Variants in ZBTB20 observed in about 807,000 individuals in gnomAD.
ZBTB20 encodes zinc finger and BTB domain containing 20.
Under a neutral mutation model 56.9 loss-of-function variants are expected in ZBTB20, and 9 were observed. That is an observed-to-expected ratio of 0.16 (90% CI 0.10 to 0.28). The LOEUF (loss-of-function observed/expected upper bound fraction) is 0.28. Among genes scored for constraint, ZBTB20 ranks in the 10% least tolerant of loss-of-function variants. The probability of loss-of-function intolerance (pLI) is 1.00; values close to 1 mark genes in which losing one functional copy is unlikely to be tolerated. For synonymous variants in ZBTB20, 417 were observed against 420.7 expected, an observed-to-expected ratio of 0.99 and a Z score of 0.11; for missense variants, 655 against 1,003.0, an observed-to-expected ratio of 0.65 and a Z score of 4.69.
At chr3:114,751,005 T>C (rs1484120182) in intron 5 of ZBTB20, among the ~76,000 whole-genome samples, 7 of 152,196 alleles carry the variant, frequency 4.6e-5, no homozygotes, top group Non-Finnish European at 1.5e-5. Context: ...TTGAACTGCA[T>C]TTTCATTTAA....
At chr3:114,754,118 C>G (rs2067817916) in intron 5 of ZBTB20, among the ~76,000 whole-genome samples, 1 of 152,114 alleles carries the variant, frequency 6.6e-6, no homozygotes, top group Non-Finnish European at 1.5e-5. Flanking sequence ...CAAAGAGTGC[C>G]ACGTGAGAGG....
At chr3:114,576,732 C>T (rs2054102520) in intron 6 of ZBTB20, among the ~76,000 whole-genome samples, 1 of 151,228 alleles carries the variant, frequency 6.6e-6, no homozygotes, top group Non-Finnish European at 1.5e-5. Context: ...ATAAACTGTA[C>T]TTTAAAACTT....
At chr3:114,769,078 T>G (rs188611240) in intron 5 of ZBTB20, among the ~76,000 whole-genome samples, 1 of 152,166 alleles carries the variant, frequency 6.6e-6, no homozygotes, top group East Asian at 1.9e-4. Flanking sequence ...ATTTAACAGG[T>G]GCAAATAGAT....
intron 6 of ZBTB20, among the ~76,000 whole-genome samples, chr3:114,598,719 A>T (rs1195075482): frequency 6.6e-6 from 1 of 151,990 alleles, no homozygotes; most frequent in Non-Finnish European, 1.5e-5. Context: ...TCATTTTTTT[A>T]TATACTGGAA....
chr3:115,086,382 T>A (rs567614992), intron 1 of ZBTB20, among the ~76,000 whole-genome samples: 1 of 151,894 alleles, frequency 6.6e-6, no homozygotes, highest in Non-Finnish European at 1.5e-5. Flanking sequence ...ACCGTATTTA[T>A]TTTGTGTCAA....
chr3:114,552,983 A>G (rs1026041446), intron 6 of ZBTB20, among the ~76,000 whole-genome samples: 1 of 152,222 alleles, frequency 6.6e-6, no homozygotes, highest in East Asian at 1.9e-4. Flanking sequence ...GGTCACTCCA[A>G]GAAGTGTCCT....
rs1271050101 is a variant in ZBTB20 at position 114,316,924 on chromosome 3, C to T, written c.*22081G>A. On this transcript the variant is annotated 3_prime_UTR_variant, in exon 12 of 12. Coordinates refer to ENST00000675478, the MANE Select transcript of ZBTB20 (RefSeq NM_001348800.3). ...ATAGAAAAGGAAGAAGGAAGGAAAG[C>T]TCAGATGAGGAAGAATGAAGTATTG... The T allele has an allele frequency of 4.9e-6, 1 of 204,712 alleles. No homozygotes were observed. The highest frequency in any genetic ancestry group is 1.0e-5 in the Non-Finnish European group (1 of 99,518). 12.7% of individuals were successfully genotyped at this position (204,712 alleles called of 1,614,324 possible). A position where few individuals can be genotyped will look rare whatever the true frequency, so the allele number is the denominator to read the frequency against.
rs886433917 is a variant in ZBTB20 at position 115,014,467 on chromosome 3, G to A, written c.-506-40051C>T. Among the ~76,000 whole-genome samples the A allele has an allele frequency of 5.9e-5, 9 of 151,624 alleles. No homozygotes were observed. In the East Asian group the frequency reaches 9.8e-4, roughly 16 times the overall value. On this transcript the variant is annotated intron_variant, in intron 2 of 11. Coordinates refer to ENST00000675478, the MANE Select transcript of ZBTB20 (RefSeq NM_001348800.3). ...TAAATGCTTGAAGTGGTGGATACTC[G>A]ATACTCCATTTACTCTTATGTGATT...
At chr3:114,503,194 G>T (rs1169490835) in intron 6 of ZBTB20, among the ~76,000 whole-genome samples, 1 of 152,154 alleles carries the variant, frequency 6.6e-6, no homozygotes, top group East Asian at 1.9e-4. Flanking sequence ...GGCTGTCAAT[G>T]ATAGGAATCC....
chr3:114,907,222 G>A (rs576473158), intron 3 of ZBTB20, among the ~76,000 whole-genome samples: 1 of 147,506 alleles, frequency 6.8e-6, no homozygotes, highest in East Asian at 2.0e-4. Flanking sequence ...AATGTAGTTA[G>A]GCTAATTTTT....
chr3:114,710,911 A>G (rs1387047244), intron 5 of ZBTB20, among the ~76,000 whole-genome samples: 1 of 152,146 alleles, frequency 6.6e-6, no homozygotes, highest in Non-Finnish European at 1.5e-5. Context: ...ACTTTGGTCC[A>G]CTTGAGCCAC....
At chr3:114,854,832 GTAAT>G (rs2075166976) in intron 4 of ZBTB20, among the ~76,000 whole-genome samples, 3 of 152,186 alleles carry the variant, frequency 2.0e-5, no homozygotes, top group African/African-American at 7.2e-5. Context: ...ACTCTGATCA[GTAAT>G]TATTTTATTC....
chr3:114,386,580 G>A (rs531733283), intron 8 of ZBTB20, among the ~76,000 whole-genome samples: 1 of 152,070 alleles, frequency 6.6e-6, no homozygotes, highest in African/African-American at 2.4e-5. Context: ...AATTGGAGTT[G>A]GGAAGGAGGG....
At position 114,921,446 on chromosome 3, in the gene ZBTB20, C is replaced by T. The variant is rs1217815414; in HGVS notation, c.-455-21104G>A. On this transcript the variant is annotated intron_variant, in intron 3 of 11. Coordinates refer to ENST00000675478, the MANE Select transcript of ZBTB20 (RefSeq NM_001348800.3). ...CAAAAGAACTAGATGTCTTGATGAGCGGATTCTACCAAGCTTTAAAAAATT... is the reference window on the plus strand; with the variant it reads ...CAAAAGAACTAGATGTCTTGATGAGTGGATTCTACCAAGCTTTAAAAAATT... Among the ~76,000 whole-genome samples the T allele has an allele frequency of 1.3e-5, 2 of 151,928 alleles. 1 individual carries two copies. Among genetic ancestry groups the T allele is most frequent in the South Asian group, 4.2e-4 (2 of 4,810 alleles).
At chr3:114,702,075 C>T (rs111837142) in intron 5 of ZBTB20, among the ~76,000 whole-genome samples, 45 of 152,180 alleles carry the variant, frequency 3.0e-4, no homozygotes, top group East Asian at 1.5e-3. Context: ...TGGTGACTAT[C>T]GTCACCATGG....
At chr3:114,894,899 G>A (rs1023387124) in intron 4 of ZBTB20, among the ~76,000 whole-genome samples, 8 of 152,028 alleles carry the variant, frequency 5.3e-5, no homozygotes, top group Non-Finnish European at 8.8e-5. Context: ...CATCATGGTC[G>A]AAACTATACA....
intron 6 of ZBTB20, among the ~76,000 whole-genome samples, chr3:114,611,282 T>C (rs987744319): frequency 1.1e-4 from 16 of 152,262 alleles, no homozygotes; most frequent in African/African-American, 3.8e-4. Flanking sequence ...GTTAAGAACC[T>C]AGAATGAATG....
intron 5 of ZBTB20, among the ~76,000 whole-genome samples, chr3:114,729,421 CTT>C (rs2065557433): frequency 6.6e-6 from 1 of 152,160 alleles, no homozygotes; most frequent in African/African-American, 2.4e-5. Flanking sequence ...TAACCTATCT[CTT>C]TTTATTTTTA....
At chr3:114,373,419 T>G (rs978543769) in intron 10 of ZBTB20, among the ~76,000 whole-genome samples, 2 of 152,230 alleles carry the variant, frequency 1.3e-5, no homozygotes, top group African/African-American at 2.4e-5. Context: ...AGGCAAAGTA[T>G]AAGAAGGCCT....
Sources: gnomAD v4.1 joint callset for allele counts (sites outside exome capture counted in the v4.1 genomes callset) on GRCh38, gnomAD v4.1.1 for gene constraint, MANE v1.5 for transcripts, NCBI Gene and HGNC (gene_info 2026-07-23, HGNC 2026-07-21) for gene names.